The following SPEF2 variants were observed in gnomAD, a reference collection of about 807,000 sequenced individuals.
SPEF2 encodes the protein sperm flagellar and cilia associated 2, also known as sperm flagella and cilia-associated protein 2.
Under a neutral mutation model 224.6 loss-of-function variants are expected in SPEF2, and 187 were observed. The observed-to-expected ratio is 0.83, with a 90% CI of 0.74 to 0.94. SPEF2 has a LOEUF of 0.94. Ranked by LOEUF, SPEF2 falls within the 40% of genes least tolerant of loss-of-function variation. SPEF2 has a pLI of 0.00. For synonymous variants in SPEF2, 715 were observed against 707.3 expected (o/e 1.01, Z -0.17); for missense variants, 2,170 against 2,135.6 (o/e 1.02, Z -0.32).
At chr5:35,671,178 A>C (rs1751177756) in intron 10 of SPEF2, 2 of 985,318 alleles carry the variant, frequency 2.0e-6, no homozygotes, top group East Asian at 2.2e-4. Context: ...ATTCACTGAT[A>C]GTACATACTC....
At position 35,814,458 on chromosome 5, in the gene SPEF2, T is replaced by A; in HGVS notation, c.5380-6T>A. On this transcript the variant is annotated splice_polypyrimidine_tract_variant and splice_region_variant and intron_variant, in intron 36 of 36. Transcript: ENST00000356031. ...TTGTAACTTCTCTTTGAATCTTTTG[T>A]CTTAGGATATTAAAATAATTCTCCA... 1 of 1,565,450 alleles carries A rather than the reference T, an allele frequency of 6.4e-7. No individual in the cohort carries two copies.
At chr5:35,754,622 T>C (rs1244265359) in intron 24 of SPEF2, among the ~76,000 whole-genome samples, 1 of 152,220 alleles carries the variant, frequency 6.6e-6, no homozygotes, top group African/African-American at 2.4e-5. Flanking sequence ...AAAGACATTC[T>C]TTCCTGGGTT....
chr5:35,801,361 C>T (rs916187619), intron 34 of SPEF2, among the ~76,000 whole-genome samples: 1 of 152,078 alleles, frequency 6.6e-6, no homozygotes, highest in Non-Finnish European at 1.5e-5. Flanking sequence ...ACTGAAAATA[C>T]AATTAGTTGG....
At chr5:35,801,383 T>G (rs1359307032) in intron 34 of SPEF2, among the ~76,000 whole-genome samples, 1 of 152,064 alleles carries the variant, frequency 6.6e-6, no homozygotes, top group Non-Finnish European at 1.5e-5. Flanking sequence ...TGTGGTGGTG[T>G]GTGCCTGTAG....
chr5:35,698,580 T>G (rs1216108095), intron 15 of SPEF2: 1 of 152,260 alleles, frequency 6.6e-6, no homozygotes, highest in Non-Finnish European at 1.5e-5. Flanking sequence ...TCAGTGGAAC[T>G]GAAACCTCCA....
intron 14 of SPEF2, among the ~76,000 whole-genome samples, chr5:35,696,433 A>G (rs534677643): frequency 6.6e-6 from 1 of 152,166 alleles, no homozygotes; most frequent in Non-Finnish European, 1.5e-5. Flanking sequence ...GGGAAGGGAA[A>G]TGGGTTCAGA....
At chr5:35,786,245 T>C (rs1460909948) in intron 30 of SPEF2, among the ~76,000 whole-genome samples, 4 of 152,086 alleles carry the variant, frequency 2.6e-5, no homozygotes, top group Non-Finnish European at 5.9e-5. Flanking sequence ...AATGCTTGAG[T>C]AAGAAAATGC....
At chr5:35,641,399 T>G (rs777993057) in intron 2 of SPEF2, 32 bp from the exon 3 acceptor site, 27 of 1,574,390 alleles carry the variant, frequency 1.7e-5, no homozygotes, top group Middle Eastern at 1.7e-4. Context: ...TTAATGCTAA[T>G]GTCTAATTAT....
Position 35,692,711 on chromosome 5 carries a change from T to C in SPEF2, c.1886T>C (p.Ile629Thr). The C allele has an allele frequency of 1.2e-6, 2 of 1,612,388 alleles. No homozygotes were observed. Among genetic ancestry groups the C allele is most frequent in the Admixed American group, 1.7e-5 (1 of 59,514 alleles). ...EDALPVLQEE[I>T]KESQDPQHVF... Reference sequence around the variant, plus strand: ...GCTCTACCAGTTCTGCAAGAGGAGATTAAAGAAAGCCAGGCAAGTGTGATT... The same window carrying C: ...GCTCTACCAGTTCTGCAAGAGGAGACTAAAGAAAGCCAGGCAAGTGTGATT... The change falls in exon 12 of 37, where the codon ATT (isoleucine) becomes ACT (threonine). Residue 629 changes from isoleucine (I) to threonine (T), a missense_variant. By Grantham distance (89) the Ile-to-Thr change is moderately conservative (BLOSUM62 -1). Coordinates refer to ENST00000356031, the MANE Select transcript of SPEF2 (RefSeq NM_024867.4).
chr5:35,625,776 C>G (rs80251679), intron 1 of SPEF2, among the ~76,000 whole-genome samples: 2 of 152,036 alleles, frequency 1.3e-5, no homozygotes, highest in Non-Finnish European at 2.9e-5. Context: ...CTGGGTGGCA[C>G]ATTGAGGGTC....
intron 6 of SPEF2, among the ~76,000 whole-genome samples, chr5:35,653,895 C>T (rs576299510): frequency 1.0e-4 from 15 of 144,174 alleles, no homozygotes; most frequent in African/African-American, 2.6e-4. Flanking sequence ...TGCAGTAAGC[C>T]GAGATCGCAC....
At chr5:35,740,087 G>T in intron 22 of SPEF2, 41 bp downstream of exon 22, 1 of 1,614,010 alleles carries the variant, frequency 6.2e-7, no homozygotes, top group Non-Finnish European at 8.5e-7. Context: ...CAGTTTAGAG[G>T]CATGACATAT....
At chr5:35,789,683 G>A in intron 30 of SPEF2, 1 of 638,230 alleles carries the variant, frequency 1.6e-6, no homozygotes, top group South Asian at 1.8e-5. Flanking sequence ...GTTTTAAATT[G>A]TGGCCCACAA....
Position 35,718,450 on chromosome 5 carries a change from G to A in SPEF2, c.2914+5564G>A, listed in dbSNP as rs894393244. 4.6e-5 allele frequency among the ~76,000 whole-genome samples: 7 copies of A among 152,190 alleles called. 1 individual carries two copies. Among genetic ancestry groups the A allele is most frequent in the East Asian group, 1.9e-4 (1 of 5,156 alleles). On this transcript the variant is annotated intron_variant, in intron 20 of 36. Transcript: ENST00000356031. ...GAATGACCACCCATCTAGAAAGAGGGGAGCAGGCATCCCTGGTTCCCGTTT... is the reference window on the plus strand; with the variant it reads ...GAATGACCACCCATCTAGAAAGAGGAGAGCAGGCATCCCTGGTTCCCGTTT...
intron 20 of SPEF2, among the ~76,000 whole-genome samples, chr5:35,717,660 G>C (rs1742836041): frequency 6.6e-6 from 1 of 152,000 alleles, no homozygotes; most frequent in African/African-American, 2.4e-5. Flanking sequence ...CCCTCTACTA[G>C]AGCCCTTCCT....
intron 23 of SPEF2, among the ~76,000 whole-genome samples, chr5:35,744,447 A>T (rs1171216358): frequency 1.3e-5 from 2 of 152,158 alleles, no homozygotes; most frequent in Non-Finnish European, 2.9e-5. Flanking sequence ...CAATTATTTC[A>T]TTCCAATCCT....
chr5:35,716,956 T>C (rs1394004543), intron 20 of SPEF2, among the ~76,000 whole-genome samples: 1 of 152,148 alleles, frequency 6.6e-6, no homozygotes, highest in African/African-American at 2.4e-5. Flanking sequence ...TCCCAAGTCT[T>C]GACACTGAGA....
At chr5:35,806,507 A>G (rs934016917) in intron 34 of SPEF2, among the ~76,000 whole-genome samples, 200 bp from the exon 35 acceptor site, 12 of 152,238 alleles carry the variant, frequency 7.9e-5, no homozygotes, top group African/African-American at 2.9e-4. Flanking sequence ...TCTATACACT[A>G]CAAGTAAAAC....
At chr5:35,659,324 G>C (rs1416196234) in intron 8 of SPEF2, 117 bp downstream of exon 8, 1 of 1,015,898 alleles carries the variant, frequency 9.8e-7, no homozygotes. Context: ...TCTTTTGTAT[G>C]ATCAACCTGT....
Sources: allele counts gnomAD v4.1 joint callset (sites outside exome capture counted in the v4.1 genomes callset), GRCh38; gene constraint gnomAD v4.1.1; transcripts MANE v1.5; gene names NCBI Gene and HGNC (gene_info 2026-07-23, HGNC 2026-07-21).